Variants in TMED3 observed in about 807,000 individuals in gnomAD.
TMED3 encodes the protein transmembrane emp24 domain-containing protein 3.
TMED3 carries 9 observed loss-of-function variants against 15.0 expected under a neutral mutation model. The ratio of observed to expected loss-of-function variants is 0.60; its 90% CI spans 0.36 to 1.04. TMED3 has a LOEUF of 1.04. Ranked by LOEUF, TMED3 falls within the 50% of genes least tolerant of loss-of-function variation. The pLI is 0.01. For missense variants in TMED3, 267 were observed against 278.9 expected (o/e 0.96, Z 0.30); for synonymous variants, 117 against 121.4 (o/e 0.96, Z 0.24).
In TMED3 at chr15:79,351,592, G is replaced by A. The variant is rs199685901; in HGVS notation, c.417+37587G>A. The stretch of plus-strand genomic sequence containing the variant: ...AAAAATAATAGATGTTGGCGTGGAT[G>A]TGGTCAAAAGGGAACACTTTTACAC... On this transcript the variant is annotated intron_variant, in intron 2 of 2. Transcript: ENST00000424155. Among the ~76,000 whole-genome samples the A allele has an allele frequency of 4.6e-5, 7 of 152,186 alleles. No homozygotes were observed. In the East Asian group the frequency reaches 1.3e-3, roughly 29 times the overall value.
chr15:79,391,732 A>G (rs1312833281), intron 2 of TMED3, among the ~76,000 whole-genome samples: 1 of 152,060 alleles, frequency 6.6e-6, no homozygotes, highest in Non-Finnish European at 1.5e-5. Flanking sequence ...TCTTAGGTCT[A>G]TTAGTAATTG....
At chr15:79,382,910 T>C in intron 2 of TMED3, 1 of 1,476,816 alleles carries the variant, frequency 6.8e-7, no homozygotes, top group South Asian at 1.2e-5. Flanking sequence ...ATATAGTCTT[T>C]ATTCCCATTG....
chr15:79,360,309 A>G (rs1893099172), intron 2 of TMED3, among the ~76,000 whole-genome samples: 2 of 152,102 alleles, frequency 1.3e-5, no homozygotes, highest in Admixed American at 6.5e-5. Flanking sequence ...TCTTACATGG[A>G]TATTAAAGTA....
chr15:79,375,844 T>C (rs1316815548), intron 2 of TMED3, among the ~76,000 whole-genome samples: 1 of 152,112 alleles, frequency 6.6e-6, no homozygotes, highest in Non-Finnish European at 1.5e-5. Context: ...CTATTCAGGG[T>C]GCATGATTTT....
intron 2 of TMED3, among the ~76,000 whole-genome samples, chr15:79,358,788 G>T (rs1376775715): frequency 1.3e-5 from 2 of 152,194 alleles, no homozygotes; most frequent in African/African-American, 4.8e-5. Context: ...GCTTTCCCTG[G>T]GGTGAAATGG....
At chr15:79,329,566 G>A (rs1043599455) in intron 2 of TMED3, among the ~76,000 whole-genome samples, 9 of 152,254 alleles carry the variant, frequency 5.9e-5, no homozygotes, top group Non-Finnish European at 1.3e-4. Context: ...CAGAGAGGGA[G>A]AGAGTGTGAA....
chr15:79,357,041 TAA>T (rs35066404), intron 2 of TMED3, among the ~76,000 whole-genome samples: 82,871 of 151,670 alleles, frequency 0.55, 22,895 homozygotes, highest in African/African-American at 0.62. Flanking sequence ...AATATACACA[TAA>T]ACACAGTTAT....
At chr15:79,379,482 A>G (rs541931689) in intron 2 of TMED3, among the ~76,000 whole-genome samples, 4 of 152,324 alleles carry the variant, frequency 2.6e-5, no homozygotes, top group Admixed American at 1.3e-4. Context: ...CAATTAAGGA[A>G]TAACTTAAAA....
chr15:79,370,256 ATTTTTTTTTTTT>A (rs398028085), intron 2 of TMED3, among the ~76,000 whole-genome samples: 262 of 104,958 alleles, frequency 2.5e-3, no homozygotes, highest in African/African-American at 9.4e-3. Flanking sequence ...TGCCCAGCTA[ATTTTTTTTTTTT>A]TTTTTTTTTT....
intron 2 of TMED3, among the ~76,000 whole-genome samples, chr15:79,389,026 C>T (rs1483035241): frequency 2.0e-5 from 3 of 152,006 alleles, no homozygotes; most frequent in South Asian, 4.1e-4. Context: ...AGAATTTCTC[C>T]CACTCTGTGG....
chr15:79,339,926 G>T (rs2058845344), intron 2 of TMED3, among the ~76,000 whole-genome samples: 1 of 151,970 alleles, frequency 6.6e-6, no homozygotes, highest in Non-Finnish European at 1.5e-5. Context: ...TGGTGGAGAT[G>T]ATGTGTGTAG....
chr15:79,311,211 C>T lies in TMED3; in HGVS notation c.-39C>T, dbSNP rs767183279. ...TCGCCCCAGCCCGCCGGGGGCGCAG[C>T]GCCCGAGCCGCGGCCCTCGAGACGG... On this transcript the variant is annotated 5_prime_UTR_variant, in exon 1 of 3. Transcript: ENST00000299705. The T allele has an allele frequency of 3.2e-6, 5 of 1,555,598 alleles. No individual in the cohort carries two copies. Among genetic ancestry groups the T allele is most frequent in the Non-Finnish European group, 4.3e-6 (5 of 1,157,282 alleles).
At chr15:79,388,940 T>G (rs1035760958) in intron 2 of TMED3, among the ~76,000 whole-genome samples, 7 of 123,742 alleles carry the variant, frequency 5.7e-5, no homozygotes, top group Admixed American at 5.3e-4. Context: ...GATGAGATTG[T>G]TTTTTTTCTT....
chr15:79,324,968 C>G (rs1448020995), downstream of TMED3, among the ~76,000 whole-genome samples: 1 of 152,156 alleles, frequency 6.6e-6, no homozygotes, highest in Non-Finnish European at 1.5e-5. Flanking sequence ...CCAGGAACTT[C>G]AGGCTTATGC....
At chr15:79,314,776 G>A (rs2058733638) in intron 2 of TMED3, 1 of 264,542 alleles carries the variant, frequency 3.8e-6, no homozygotes, top group South Asian at 3.8e-5. Flanking sequence ...CATGTCTGTC[G>A]CCCATGGCTG....
At chr15:79,355,173 T>C (rs1320993335) in intron 2 of TMED3, among the ~76,000 whole-genome samples, 1 of 152,146 alleles carries the variant, frequency 6.6e-6, no homozygotes, top group African/African-American at 2.4e-5. Context: ...ACCAATTAAG[T>C]AACTCCAAAA....
At chr15:79,402,392 CA>C (rs1427845879) in intron 2 of TMED3, among the ~76,000 whole-genome samples, 1 of 152,092 alleles carries the variant, frequency 6.6e-6, no homozygotes, top group Non-Finnish European at 1.5e-5. Flanking sequence ...AGCCCAGAAG[CA>C]AAAAGTGAGA....
intron 2 of TMED3, among the ~76,000 whole-genome samples, chr15:79,356,601 G>A (rs2058920081): frequency 6.6e-6 from 1 of 152,164 alleles, no homozygotes; most frequent in Non-Finnish European, 1.5e-5. Context: ...ATGGTGATGA[G>A]TGCAGTGCTG....
chr15:79,365,677 G>A (rs772006808), intron 2 of TMED3, among the ~76,000 whole-genome samples: 5 of 152,226 alleles, frequency 3.3e-5, no homozygotes, highest in South Asian at 2.1e-4. Context: ...TAAGGTGAAC[G>A]TAGAGTAGCT....
Sources: gnomAD v4.1 joint callset for allele counts (sites outside exome capture counted in the v4.1 genomes callset) on GRCh38, gnomAD v4.1.1 for gene constraint, MANE v1.5 for transcripts, NCBI Gene and HGNC (gene_info 2026-07-23, HGNC 2026-07-21) for gene names.